The following PLAAT1 variants were observed in gnomAD, a reference collection of about 807,000 sequenced individuals.
PLAAT1 encodes H-REV107 protein-related protein.
PLAAT1 carries 13 observed loss-of-function variants against 16.4 expected under a neutral mutation model. That is an observed-to-expected ratio of 0.79 (90% CI 0.52 to 1.26). The LOEUF (loss-of-function observed/expected upper bound fraction) is 1.26, where lower values mean the gene tolerates loss of function less well. PLAAT1 is among the 50% of genes most tolerant of loss of function. The pLI, the probability that PLAAT1 is intolerant of heterozygous loss-of-function variation, is 0.00. For synonymous variants in PLAAT1, 73 were observed against 78.4 expected (o/e 0.93, Z 0.36); for missense variants, 218 against 207.8 (o/e 1.05, Z -0.30).
chr3:193,252,158 A>T (rs1716215504), intron 1 of PLAAT1, among the ~76,000 whole-genome samples: 1 of 151,972 alleles, frequency 6.6e-6, no homozygotes, highest in Non-Finnish European at 1.5e-5. Flanking sequence ...GCAATGGGGG[A>T]CCAGGTGTAC....
chr3:193,263,257 T>C (rs771645345), intron 3 of PLAAT1, 22 bp downstream of exon 3: 2 of 1,605,586 alleles, frequency 1.2e-6, no homozygotes, highest in South Asian at 1.1e-5. Flanking sequence ...TTAGGAGATA[T>C]TCTTACATTG....
At chr3:193,249,030 GT>G (rs1319716462) in intron 1 of PLAAT1, among the ~76,000 whole-genome samples, 1 of 151,904 alleles carries the variant, frequency 6.6e-6, no homozygotes. Context: ...ATCTGAGAAA[GT>G]TTTTTTTAAA....
At chr3:193,264,144 A>G (rs966087285) in intron 3 of PLAAT1, among the ~76,000 whole-genome samples, 9 of 152,232 alleles carry the variant, frequency 5.9e-5, no homozygotes, top group Non-Finnish European at 1.2e-4. Flanking sequence ...TTAATAATTC[A>G]CATTTATTGA....
chr3:193,266,575 A>T (rs1179173599), intron 3 of PLAAT1, among the ~76,000 whole-genome samples: 1 of 152,124 alleles, frequency 6.6e-6, no homozygotes, highest in Non-Finnish European at 1.5e-5. Context: ...CTCAGTGAGA[A>T]TGCCATCATC....
chr3:193,265,200 C>G (rs1462730490), intron 3 of PLAAT1, among the ~76,000 whole-genome samples: 1 of 152,174 alleles, frequency 6.6e-6, no homozygotes, highest in African/African-American at 2.4e-5. Flanking sequence ...GAAACCTGCA[C>G]ATGAATGTTT....
chr3:193,250,616 C>G (rs1224500137), intron 1 of PLAAT1, among the ~76,000 whole-genome samples: 2 of 152,136 alleles, frequency 1.3e-5, no homozygotes, highest in Non-Finnish European at 2.9e-5. Context: ...GAAACTACTT[C>G]TGGAGAAAGT....
downstream of PLAAT1, among the ~76,000 whole-genome samples, chr3:193,275,592 G>A (rs1194112664): frequency 6.6e-6 from 1 of 152,156 alleles, no homozygotes; most frequent in Admixed American, 6.5e-5. Context: ...GACTGAAATG[G>A]TAACAGCAAT....
At chr3:193,249,215 CT>C (rs1716100574) in intron 1 of PLAAT1, among the ~76,000 whole-genome samples, 1 of 152,052 alleles carries the variant, frequency 6.6e-6, no homozygotes. Context: ...TTGCTTTTCC[CT>C]TACAGCTTTC....
chr3:193,250,624 A>T lies in PLAAT1; in HGVS notation c.1-5027A>T, dbSNP rs114341051. The stretch of plus-strand genomic sequence containing the variant: ...GTGTATGGAAACTACTTCTGGAGAA[A>T]GTCTGCAGATCTGGATTTCTTGCTG... On this transcript the variant is annotated intron_variant, in intron 1 of 3. Transcript: ENST00000264735. Among the ~76,000 whole-genome samples, 1,014 of 152,268 alleles carry T rather than the reference A, an allele frequency of 6.7e-3. 10 individuals are homozygous for T. Among genetic ancestry groups the T allele is most frequent in the African/African-American group, 0.023 (955 of 41,554 alleles).
At chr3:193,259,635 A>G (rs1209905119) in intron 2 of PLAAT1, among the ~76,000 whole-genome samples, 8 of 152,146 alleles carry the variant, frequency 5.3e-5, no homozygotes, top group Non-Finnish European at 8.8e-5. Flanking sequence ...AATAGCCACA[A>G]ATAAATAAAA....
intron 1 of PLAAT1, among the ~76,000 whole-genome samples, chr3:193,243,928 T>C (rs1167244777): frequency 6.6e-6 from 1 of 152,224 alleles, no homozygotes; most frequent in East Asian, 1.9e-4. Flanking sequence ...TAAATAATTG[T>C]ATCATTTCAA....
chr3:193,246,996 T>C (rs999443793), intron 1 of PLAAT1, among the ~76,000 whole-genome samples: 1 of 152,190 alleles, frequency 6.6e-6, no homozygotes, highest in African/African-American at 2.4e-5. Flanking sequence ...TGGGCTTTCC[T>C]TTGGTGGGAG....
intron 3 of PLAAT1, 117 bp downstream of exon 3, chr3:193,263,352 A>T (rs1716661502): frequency 1.0e-6 from 1 of 994,050 alleles, no homozygotes; most frequent in South Asian, 1.7e-5. Flanking sequence ...ATACTGAAGG[A>T]TAGAGAATGG....
intron 3 of PLAAT1, among the ~76,000 whole-genome samples, chr3:193,268,731 A>T (rs1175523897): frequency 6.6e-6 from 1 of 152,176 alleles, no homozygotes; most frequent in Non-Finnish European, 1.5e-5. Flanking sequence ...TATGATCATG[A>T]TATCTGGCCT....
intron 3 of PLAAT1, among the ~76,000 whole-genome samples, chr3:193,263,979 AAAG>A (rs1180715344): frequency 3.3e-5 from 5 of 152,220 alleles, no homozygotes; most frequent in African/African-American, 1.2e-4. Flanking sequence ...ACTATTATCA[AAAG>A]AAAGTCCTCT....
intron 1 of PLAAT1, among the ~76,000 whole-genome samples, chr3:193,243,850 C>T (rs1715872810): frequency 6.6e-6 from 1 of 152,204 alleles, no homozygotes; most frequent in Non-Finnish European, 1.5e-5. Context: ...ATAGCCACAC[C>T]TACTTCCCTC....
chr3:193,263,246 T>C lies in PLAAT1; in HGVS notation c.405+11T>C. 3 of 1,611,020 alleles carry C rather than the reference T, an allele frequency of 1.9e-6. No individual in the cohort carries two copies. The highest frequency in any genetic ancestry group is 2.5e-6 in the Non-Finnish European group (3 of 1,177,868). ...GGAGTTTCAGAGCAGGTAAGTTTTC[T>C]TTAGGAGATATTCTTACATTGAGAA... On this transcript the variant is annotated intron_variant, in intron 3 of 3. Transcript: ENST00000264735.
At chr3:193,255,864 T>A in intron 2 of PLAAT1, 75 bp downstream of exon 2, 1 of 1,262,766 alleles carries the variant, frequency 7.9e-7, no homozygotes, top group Non-Finnish European at 1.1e-6. Context: ...ATGGGTGAAA[T>A]AATAAACAAA....
In PLAAT1 at chr3:193,241,354, T is replaced by C. The variant is rs1207943585; in HGVS notation, c.-180T>C. On this transcript the variant is annotated 5_prime_UTR_variant, in exon 1 of 4. Transcript: ENST00000264735. ...AGCGTGGCGGCGCTGGTGCTGGCGT[T>C]GGCCCTGGAGGACGGCCCCGAGTGA... 2.4e-6 allele frequency: 3 copies of C among 1,231,438 alleles called. No individual in the cohort carries two copies. Among genetic ancestry groups the C allele is most frequent in the Non-Finnish European group, 3.0e-6 (3 of 987,874 alleles). 76.3% of individuals were successfully genotyped at this position (1,231,438 alleles called of 1,614,324 possible). A position where few individuals can be genotyped will look rare whatever the true frequency, so the allele number is the denominator to read the frequency against.
Sources: gnomAD v4.1 joint callset for allele counts (sites outside exome capture counted in the v4.1 genomes callset) on GRCh38, gnomAD v4.1.1 for gene constraint, MANE v1.5 for transcripts, NCBI Gene and HGNC (gene_info 2026-07-23, HGNC 2026-07-21) for gene names.